SPEF2: variants seen among roughly 807,000 people sequenced by gnomAD.
SPEF2 encodes sperm flagella and cilia-associated protein 2.
Under a neutral mutation model 224.6 loss-of-function variants are expected in SPEF2, and 187 were observed. That is an observed-to-expected ratio of 0.83 (90% CI 0.74 to 0.94). SPEF2 has a LOEUF of 0.94. Ranked by LOEUF, SPEF2 falls within the 40% of genes least tolerant of loss-of-function variation. The pLI is 0.00. For synonymous variants in SPEF2, 715 were observed against 707.3 expected, an observed-to-expected ratio of 1.01 and a Z score of -0.17; for missense variants, 2,170 against 2,135.6, an observed-to-expected ratio of 1.02 and a Z score of -0.32.
intron 7 of SPEF2, among the ~76,000 whole-genome samples, chr5:35,656,242 C>G (rs7721708): frequency 0.096 from 14,643 of 152,052 alleles, 836 homozygotes; most frequent in East Asian, 0.18. Context: ...TTTGAAGATG[C>G]TTTTATTCAC....
chr5:35,714,862 C>T, intron 20 of SPEF2, among the ~76,000 whole-genome samples: 1 of 61,888 alleles, frequency 1.6e-5, no homozygotes, highest in South Asian at 4.3e-4. Flanking sequence ...ATCAGCCTTG[C>T]AAAATTTTCT....
chr5:35,787,275 T>C (rs1755288026), intron 30 of SPEF2, among the ~76,000 whole-genome samples: 2 of 150,780 alleles, frequency 1.3e-5, no homozygotes, highest in East Asian at 1.9e-4. Flanking sequence ...TTTTTTTTTT[T>C]GGTAAATTAA....
chr5:35,677,936 G>T (rs1752249775), intron 10 of SPEF2, among the ~76,000 whole-genome samples: 2 of 152,192 alleles, frequency 1.3e-5, no homozygotes, highest in South Asian at 4.1e-4. Context: ...TCACTGCTGA[G>T]CTTTCTGAAC....
intron 20 of SPEF2, among the ~76,000 whole-genome samples, chr5:35,719,036 T>C (rs1743136018): frequency 1.3e-5 from 2 of 152,256 alleles, no homozygotes; most frequent in South Asian, 4.1e-4. Context: ...TTGGCTTTGG[T>C]TAGCTGCCTT....
chr5:35,671,056 C>T lies in SPEF2; in HGVS notation c.1524+829C>T, dbSNP rs1348645688. On this transcript the variant is annotated intron_variant, in intron 10 of 36. Coordinates refer to ENST00000356031, the MANE Select transcript of SPEF2 (RefSeq NM_024867.4). The stretch of plus-strand genomic sequence containing the variant: ...TGGATAGAAATTTTGAGTGGATCAA[C>T]AGCAATGGAATGAGGAGTGAGGCTT... The T allele has an allele frequency of 4.1e-6, 4 of 985,130 alleles. No individual in the cohort carries two copies. In the East Asian group the frequency reaches 4.5e-4, roughly 110 times the overall value. The allele number at this position is 985,130 out of a possible 1,614,324, so 61.0% of individuals were successfully genotyped here.
chr5:35,755,186 C>T (rs1750251107), intron 24 of SPEF2, among the ~76,000 whole-genome samples: 1 of 152,200 alleles, frequency 6.6e-6, no homozygotes, highest in African/African-American at 2.4e-5. Context: ...CAAAGCCGGG[C>T]CATGACCAGG....
At chr5:35,811,084 T>C (rs1758501579) in intron 36 of SPEF2, among the ~76,000 whole-genome samples, 1 of 21,610 alleles carries the variant, frequency 4.6e-5, no homozygotes, top group Admixed American at 6.9e-4. Context: ...CTATTCTCAT[T>C]TTTGCTAAAA....
chr5:35,793,093 T>C (rs1013777340), intron 31 of SPEF2, 66 bp from the exon 32 acceptor site: 8 of 1,418,700 alleles, frequency 5.6e-6, no homozygotes, highest in Admixed American at 4.0e-5. Flanking sequence ...TATGAAAATA[T>C]GAGCAAGTAG....
At position 35,617,879 on chromosome 5, in the gene SPEF2, G is replaced by A; in HGVS notation, c.-119G>A. On this transcript the variant is annotated 5_prime_UTR_variant, in exon 1 of 37. Coordinates refer to ENST00000356031, the MANE Select transcript of SPEF2 (RefSeq NM_024867.4). ...CTCTAAGGCCTTTCGCCTAGTTCCA[G>A]CCTGGATACGCTTCCATAGCAAAGG... is the stretch of plus-strand genomic sequence containing the variant. 1.0e-6 allele frequency: 1 copy of A among 968,390 alleles called. No individual in the cohort carries two copies. The highest frequency in any genetic ancestry group is 1.6e-6 in the Non-Finnish European group (1 of 618,546). The allele number at this position is 968,390 out of a possible 1,614,324, so 60.0% of individuals were successfully genotyped here.
chr5:35,620,459 G>A (rs559666208), intron 1 of SPEF2, among the ~76,000 whole-genome samples: 1 of 152,206 alleles, frequency 6.6e-6, no homozygotes, highest in South Asian at 2.1e-4. Flanking sequence ...AAGATTAAAT[G>A]GGATATTAAA....
In SPEF2 at chr5:35,715,816, C is replaced by CCTTTTTTTT. The variant is rs70973054; in HGVS notation, c.2914+2930_2914+2931insCTTTTTTTT. Among the ~76,000 whole-genome samples, 86 of 117,928 alleles carry CCTTTTTTTT rather than the reference C, an allele frequency of 7.3e-4. 7 individuals are homozygous for CCTTTTTTTT. Among genetic ancestry groups the CCTTTTTTTT allele is most frequent in the African/African-American group, 1.4e-3 (43 of 31,406 alleles). The allele number at this position is 117,928 out of a possible 152,430, so 77.4% of individuals were successfully genotyped here. ...TCTGTGAAATAGGGGGATATAATTT[C>CCTTTTTTTT]TTTTTTTTTTTTTTTTTGAGACAGA... On this transcript the variant is annotated intron_variant, in intron 20 of 36. Transcript: ENST00000356031.
chr5:35,675,061 G>A (rs1751745694), intron 10 of SPEF2, among the ~76,000 whole-genome samples: 1 of 151,974 alleles, frequency 6.6e-6, no homozygotes, highest in South Asian at 2.1e-4. Flanking sequence ...AGTACTGGAG[G>A]GCCCTGAAAA....
intron 30 of SPEF2, chr5:35,788,746 T>A (rs1364329352): frequency 1.4e-6 from 1 of 702,944 alleles, no homozygotes; most frequent in Admixed American, 2.0e-5. Flanking sequence ...TACAACCATG[T>A]GTACAAACTG....
intron 10 of SPEF2, among the ~76,000 whole-genome samples, chr5:35,688,664 G>A (rs939202687): frequency 1.3e-5 from 2 of 152,068 alleles, no homozygotes; most frequent in Non-Finnish European, 2.9e-5. Context: ...TCTGGGATCT[G>A]ACTGCCCGGG....
intron 23 of SPEF2, among the ~76,000 whole-genome samples, chr5:35,740,539 G>C (rs937250744): frequency 3.3e-5 from 5 of 152,138 alleles, no homozygotes; most frequent in Non-Finnish European, 5.9e-5. Context: ...TAGTCCCTTA[G>C]TCTCTTTGTG....
chr5:35,770,216 A>G (rs989692627), intron 26 of SPEF2, among the ~76,000 whole-genome samples: 2 of 152,080 alleles, frequency 1.3e-5, no homozygotes, highest in South Asian at 2.1e-4. Context: ...ACGTGTACAT[A>G]TATATAATCT....
chr5:35,778,741 T>C (rs1753939984), intron 29 of SPEF2, among the ~76,000 whole-genome samples: 1 of 152,210 alleles, frequency 6.6e-6, no homozygotes, highest in East Asian at 1.9e-4. Context: ...TTACAGAGTA[T>C]TATGCCATAT....
intron 30 of SPEF2, among the ~76,000 whole-genome samples, chr5:35,784,276 C>T (rs552709335): frequency 3.3e-5 from 5 of 152,094 alleles, no homozygotes; most frequent in East Asian, 3.9e-4. Context: ...TACAGGCAAA[C>T]GCCACCACAC....
chr5:35,748,303 C>T (rs1748876697), intron 23 of SPEF2, among the ~76,000 whole-genome samples: 1 of 151,814 alleles, frequency 6.6e-6, no homozygotes, highest in African/African-American at 2.4e-5. Flanking sequence ...AAACCCAAAC[C>T]CAGCAGAAGA....
Sources: gnomAD v4.1 joint callset for allele counts (sites outside exome capture counted in the v4.1 genomes callset) on GRCh38, gnomAD v4.1.1 for gene constraint, MANE v1.5 for transcripts, NCBI Gene and HGNC (gene_info 2026-07-23, HGNC 2026-07-21) for gene names.